The following EXOC6B variants were observed in gnomAD, a reference collection of about 807,000 sequenced individuals.
EXOC6B encodes the protein exocyst complex component 6B.
Under a neutral mutation model 113.5 loss-of-function variants are expected in EXOC6B, and 54 were observed. The ratio of observed to expected loss-of-function variants is 0.48; its 90% confidence interval spans 0.38 to 0.60. The LOEUF is 0.60. EXOC6B is among the 20% of genes least tolerant of loss of function. EXOC6B has a pLI of 0.00. For synonymous variants in EXOC6B, 357 were observed against 339.0 expected, an observed-to-expected ratio of 1.05 and a Z score of -0.58; for missense variants, 797 against 977.5, an observed-to-expected ratio of 0.82 and a Z score of 2.46.
rs1006897163 is a variant in EXOC6B at position 72,401,153 on chromosome 2, G to A, written c.1981-21283C>T. 2.0e-5 allele frequency among the ~76,000 whole-genome samples: 3 copies of A among 151,602 alleles called. No individual in the cohort carries two copies. In the East Asian group the frequency reaches 5.9e-4, roughly 30 times the overall value. ...AAGTGGAAGGACCTCAAAGAGATGA[G>A]TTCCATATAAGAAAATGTTATATAT... On this transcript the variant is annotated intron_variant, in intron 18 of 21. Transcript: ENST00000272427.
chr2:72,594,826 G>A (rs1369837986), intron 6 of EXOC6B, among the ~76,000 whole-genome samples: 1 of 151,996 alleles, frequency 6.6e-6, no homozygotes, highest in African/African-American at 2.4e-5. Flanking sequence ...AAGTTTTCCA[G>A]CTCTCTAGCT....
intron 18 of EXOC6B, among the ~76,000 whole-genome samples, chr2:72,387,457 G>A (rs1042299563): frequency 5.3e-5 from 8 of 152,100 alleles, no homozygotes; most frequent in African/African-American, 1.9e-4. Context: ...ATCTCAGCCT[G>A]TAGTTTCTTT....
chr2:72,544,428 C>T (rs2105800042), intron 8 of EXOC6B, among the ~76,000 whole-genome samples: 1 of 152,110 alleles, frequency 6.6e-6, no homozygotes. Context: ...GAGTCCTCAT[C>T]AGGTCTCTTA....
At chr2:72,764,490 G>A (rs1396333961) in intron 1 of EXOC6B, among the ~76,000 whole-genome samples, 1 of 145,668 alleles carries the variant, frequency 6.9e-6, no homozygotes, top group African/African-American at 2.5e-5. Context: ...TCCCACCTCA[G>A]CCTCCAGAGT....
chr2:72,806,812 T>G (rs970707452), intron 1 of EXOC6B, among the ~76,000 whole-genome samples: 1 of 152,222 alleles, frequency 6.6e-6, no homozygotes, highest in African/African-American at 2.4e-5. Context: ...TTCATATGCT[T>G]GTTGGCTGTA....
At chr2:72,593,643 TA>T (rs70963131) in intron 6 of EXOC6B, among the ~76,000 whole-genome samples, 4,266 of 137,058 alleles carry the variant, frequency 0.031, 208 homozygotes, top group African/African-American at 0.1. Flanking sequence ...ATAGGGATCT[TA>T]AAAAAAAAAA....
chr2:72,815,131 C>T (rs1185717876), intron 1 of EXOC6B, among the ~76,000 whole-genome samples: 1 of 152,182 alleles, frequency 6.6e-6, no homozygotes, highest in Non-Finnish European at 1.5e-5. Flanking sequence ...TGTACATACT[C>T]GTCATGCATT....
chr2:72,323,423 G>A (rs1687954112), intron 20 of EXOC6B, among the ~76,000 whole-genome samples: 1 of 152,166 alleles, frequency 6.6e-6, no homozygotes, highest in Admixed American at 6.5e-5. Context: ...GGAAGACAGT[G>A]TGGCAATTCC....
At chr2:72,495,335 A>T (rs11689707) in intron 15 of EXOC6B, 95 bp downstream of exon 15, 3 of 618,626 alleles carry the variant, frequency 4.8e-6, no homozygotes, top group African/African-American at 3.8e-5. Flanking sequence ...TTCCAAAATC[A>T]GGGCTGACGG....
intron 1 of EXOC6B, among the ~76,000 whole-genome samples, chr2:72,819,771 A>G (rs896721596): frequency 2.0e-5 from 3 of 152,198 alleles, no homozygotes; most frequent in African/African-American, 7.2e-5. Context: ...AAAAAGAGAG[A>G]GAGAGAGAGA....
intron 19 of EXOC6B, among the ~76,000 whole-genome samples, chr2:72,354,788 A>G (rs984637791): frequency 1.3e-4 from 20 of 152,236 alleles, no homozygotes; most frequent in African/African-American, 4.8e-4. Flanking sequence ...AGAAAGGCAT[A>G]TCATAAAAGC....
At chr2:72,792,220 G>C (rs1419848250) in intron 1 of EXOC6B, among the ~76,000 whole-genome samples, 1 of 152,100 alleles carries the variant, frequency 6.6e-6, no homozygotes, top group Non-Finnish European at 1.5e-5. Flanking sequence ...AAAAATCTTT[G>C]TTCAAATCCC....
intron 18 of EXOC6B, among the ~76,000 whole-genome samples, chr2:72,435,261 G>T (rs1432771498): frequency 1.3e-5 from 2 of 152,174 alleles, no homozygotes; most frequent in Non-Finnish European, 2.9e-5. Flanking sequence ...TTGTGCTATG[G>T]TCGGAGAGAC....
chr2:72,791,935 C>T (rs577977826), intron 1 of EXOC6B, among the ~76,000 whole-genome samples: 20 of 152,306 alleles, frequency 1.3e-4, no homozygotes, highest in Middle Eastern at 3.4e-3. Flanking sequence ...CAAATAATTT[C>T]CCAAAATCCA....
At chr2:72,735,772 T>G (rs951619844) in intron 2 of EXOC6B, among the ~76,000 whole-genome samples, 2 of 151,700 alleles carry the variant, frequency 1.3e-5, no homozygotes, top group Non-Finnish European at 2.9e-5. Context: ...GGGGTGGAGA[T>G]TGCAGTGAGC....
At chr2:72,260,363 T>C (rs960531381) in intron 20 of EXOC6B, among the ~76,000 whole-genome samples, 18 of 152,222 alleles carry the variant, frequency 1.2e-4, no homozygotes, top group Non-Finnish European at 2.6e-4. Flanking sequence ...TAAAAATCCA[T>C]TCTTTGTATC....
rs553190169 is a variant in EXOC6B at position 72,774,405 on chromosome 2, C to T, written c.114-32936G>A. ...TGGGTGAAATAAAAAATAGTGACAA[C>T]ATCAAATACTGGTGAGAATGAAGAG... On this transcript the variant is annotated intron_variant, in intron 1 of 21. Transcript: ENST00000272427. 4.6e-5 allele frequency among the ~76,000 whole-genome samples: 7 copies of T among 152,192 alleles called. No individual in the cohort carries two copies. The South Asian group carries it at 1.5e-3, about 32-fold the overall frequency.
intron 6 of EXOC6B, among the ~76,000 whole-genome samples, chr2:72,689,232 T>C (rs1677311685): frequency 6.6e-6 from 1 of 152,164 alleles, no homozygotes; most frequent in Admixed American, 6.5e-5. Flanking sequence ...TTCCGAAAGG[T>C]AAATGCAACC....
At chr2:72,462,308 T>A (rs1009220855) in intron 18 of EXOC6B, 11 of 152,112 alleles carry the variant, frequency 7.2e-5, no homozygotes, top group African/African-American at 2.7e-4. Context: ...AAGTGAATCA[T>A]CTAACCTAAA....
Sources: allele counts gnomAD v4.1 joint callset (sites outside exome capture counted in the v4.1 genomes callset), GRCh38; gene constraint gnomAD v4.1.1; transcripts MANE v1.5; gene names NCBI Gene and HGNC (gene_info 2026-07-23, HGNC 2026-07-21).